The following CPA6 variants were observed in gnomAD, a reference collection of about 807,000 sequenced individuals.
CPA6 encodes carboxypeptidase B.
A neutral mutation model predicts 63.3 loss-of-function variants in CPA6; 58 were observed. That is an observed-to-expected ratio of 0.92 (90% CI 0.74 to 1.14). CPA6 has a LOEUF of 1.14. Among genes scored for constraint, CPA6 ranks in the 50% most tolerant of loss-of-function variants. The probability of loss-of-function intolerance (pLI) is 0.00; values close to 1 mark genes in which losing one functional copy is unlikely to be tolerated. For synonymous variants in CPA6, 185 were observed against 179.0 expected, an observed-to-expected ratio of 1.03 and a Z score of -0.27; for missense variants, 565 against 526.6, an observed-to-expected ratio of 1.07 and a Z score of -0.71.
intron 2 of CPA6, among the ~76,000 whole-genome samples, chr8:67,607,241 T>TCC (rs1293797860): frequency 1.9e-4 from 24 of 125,136 alleles, no homozygotes; most frequent in African/African-American, 3.3e-4. Context: ...CTTCTTCTTC[T>TCC]TCTTCTTCTT....
chr8:67,681,720 G>A (rs959246899), intron 1 of CPA6, among the ~76,000 whole-genome samples: 3 of 151,916 alleles, frequency 2.0e-5, no homozygotes, highest in Admixed American at 6.6e-5. Flanking sequence ...GGCCATACAC[G>A]TGTGTTTCCA....
intron 1 of CPA6, among the ~76,000 whole-genome samples, chr8:67,684,030 T>TATAA (rs1491203421): frequency 1.5e-5 from 2 of 133,472 alleles, no homozygotes; most frequent in African/African-American, 5.4e-5. Context: ...TATATATATA[T>TATAA]AATTTTTATT....
intron 8 of CPA6, among the ~76,000 whole-genome samples, chr8:67,458,198 CTTTA>C (rs1259789580): frequency 6.6e-6 from 1 of 151,890 alleles, no homozygotes; most frequent in Non-Finnish European, 1.5e-5. Flanking sequence ...ATGGCGATCA[CTTTA>C]TTTATTTTTT....
chr8:67,437,890 T>G (rs1810197236), intron 8 of CPA6, among the ~76,000 whole-genome samples: 1 of 148,430 alleles, frequency 6.7e-6, no homozygotes, highest in Non-Finnish European at 1.5e-5. Flanking sequence ...GAAGAACTGC[T>G]AATTAAAATT....
chr8:67,509,670 T>C (rs1214001667), intron 4 of CPA6, 52 bp from the exon 5 acceptor site: 1 of 888,502 alleles, frequency 1.1e-6, no homozygotes, highest in East Asian at 2.6e-5. Context: ...ATAATGGAGC[T>C]TTTAGAGAAC....
At chr8:67,510,193 C>T (rs1812014673) in intron 4 of CPA6, among the ~76,000 whole-genome samples, 1 of 152,118 alleles carries the variant, frequency 6.6e-6, no homozygotes. Context: ...CATTCATATA[C>T]ACTTATCTGT....
chr8:67,677,741 A>G (rs1816507066), intron 1 of CPA6, among the ~76,000 whole-genome samples: 1 of 152,292 alleles, frequency 6.6e-6, no homozygotes, highest in Non-Finnish European at 1.5e-5. Flanking sequence ...TCAAATACCT[A>G]GGGTGGTAAA....
intron 2 of CPA6, among the ~76,000 whole-genome samples, chr8:67,520,250 G>A (rs1401156837): frequency 6.6e-6 from 1 of 152,106 alleles, no homozygotes; most frequent in Non-Finnish European, 1.5e-5. Flanking sequence ...ATTTTCTGGG[G>A]TACATGCTGA....
chr8:67,488,002 T>A (rs1464982125), intron 6 of CPA6, among the ~76,000 whole-genome samples: 3 of 152,220 alleles, frequency 2.0e-5, no homozygotes, highest in Non-Finnish European at 4.4e-5. Flanking sequence ...TTTTGTAGGT[T>A]GCCTGTTCAC....
At chr8:67,739,931 T>G (rs912188465) in intron 1 of CPA6, among the ~76,000 whole-genome samples, 6 of 152,150 alleles carry the variant, frequency 3.9e-5, no homozygotes, top group Non-Finnish European at 7.3e-5. Flanking sequence ...AAAAGTCTTA[T>G]ATGTGGCTGG....
chr8:67,666,502 A>G (rs1208422028), intron 1 of CPA6, among the ~76,000 whole-genome samples: 2 of 152,110 alleles, frequency 1.3e-5, no homozygotes, highest in Non-Finnish European at 2.9e-5. Flanking sequence ...TGGTCTGGGA[A>G]CTTACAGCCC....
chr8:67,639,736 GT>G lies in CPA6; in HGVS notation c.117-15486del, dbSNP rs766826371. ...AGGGGTGTGTTTCAGCCCTATTTGT[GT>G]TACAGCAATTTTAGCCCCACCATTT... On this transcript the variant is annotated intron_variant, in intron 1 of 10. Coordinates refer to ENST00000297770, the MANE Select transcript of CPA6 (RefSeq NM_020361.5). Among the ~76,000 whole-genome samples the G allele has an allele frequency of 6.6e-5, 10 of 151,716 alleles. 1 individual carries two copies. The highest frequency in any genetic ancestry group is 2.6e-4 in the Admixed American group (4 of 15,272).
chr8:67,668,595 G>A (rs748429966), intron 1 of CPA6, among the ~76,000 whole-genome samples: 3 of 152,174 alleles, frequency 2.0e-5, no homozygotes, highest in Non-Finnish European at 2.9e-5. Flanking sequence ...CAAAAAATGT[G>A]CTCCGGTAGG....
Position 67,435,402 on chromosome 8 carries a change from T to G in CPA6, c.839-1162A>C, listed in dbSNP as rs199712480. ...CCAGCGCAGGGGCACAAGCTGAGCT[T>G]GTAAAAGCCCACAGATGTTGGGGGC... On this transcript the variant is annotated intron_variant, in intron 8 of 10. Coordinates refer to ENST00000297770, the MANE Select transcript of CPA6 (RefSeq NM_020361.5). 1.9e-3 allele frequency among the ~76,000 whole-genome samples: 295 copies of G among 152,044 alleles called. 5 individuals are homozygous for G. The East Asian group carries it at 0.039, about 20-fold the overall frequency.
At chr8:67,570,932 T>G (rs1032970564) in intron 2 of CPA6, among the ~76,000 whole-genome samples, 3 of 152,062 alleles carry the variant, frequency 2.0e-5, no homozygotes, top group Non-Finnish European at 4.4e-5. Context: ...AAGAGACAAC[T>G]ATATGCTATC....
At chr8:67,442,854 TGATCATAG>T (rs1810324225) in intron 8 of CPA6, among the ~76,000 whole-genome samples, 1 of 152,122 alleles carries the variant, frequency 6.6e-6, no homozygotes, top group Non-Finnish European at 1.5e-5. Context: ...CGCCAATGAC[TGATCATAG>T]TAGAGGCACT....
intron 1 of CPA6, among the ~76,000 whole-genome samples, chr8:67,687,667 G>A (rs977177468): frequency 7.2e-5 from 11 of 152,168 alleles, no homozygotes; most frequent in Admixed American, 2.6e-4. Flanking sequence ...TTATCATCAC[G>A]GTGGGTTTCG....
At chr8:67,736,797 C>G (rs1221375087) in intron 1 of CPA6, among the ~76,000 whole-genome samples, 1 of 152,196 alleles carries the variant, frequency 6.6e-6, no homozygotes, top group African/African-American at 2.4e-5. Context: ...GCAGCTCAAA[C>G]AATACATATC....
At chr8:67,443,642 G>A (rs1810345537) in intron 8 of CPA6, among the ~76,000 whole-genome samples, 1 of 152,096 alleles carries the variant, frequency 6.6e-6, no homozygotes, top group Non-Finnish European at 1.5e-5. Flanking sequence ...ATACTTTTTA[G>A]CAGTCAATTC....
Sources: allele counts gnomAD v4.1 joint callset (sites outside exome capture counted in the v4.1 genomes callset), GRCh38; gene constraint gnomAD v4.1.1; transcripts MANE v1.5; gene names NCBI Gene and HGNC (gene_info 2026-07-23, HGNC 2026-07-21).